SDK1: variants seen among roughly 807,000 people sequenced by gnomAD.
The protein encoded by SDK1 is sidekick cell adhesion molecule 1, also known as protein sidekick-1.
SDK1 carries 157 observed loss-of-function variants against 245.5 expected under a neutral mutation model. The observed-to-expected ratio is 0.64, with a 90% confidence interval of 0.56 to 0.73. The LOEUF is 0.73. Among genes scored for constraint, SDK1 ranks in the 30% least tolerant of loss-of-function variants. The pLI is 0.00. For synonymous variants in SDK1, 1,647 were observed against 1,278.5 expected (o/e 1.29, Z -6.15); for missense variants, 3,583 against 3,002.3 (o/e 1.19, Z -4.52).
At chr7:3,602,076 G>A (rs542239741) in intron 1 of SDK1, among the ~76,000 whole-genome samples, 21 of 151,800 alleles carry the variant, frequency 1.4e-4, no homozygotes, top group African/African-American at 1.2e-4. Flanking sequence ...CCAGTCTATC[G>A]TTGTTGGACA....
At chr7:3,579,425 C>G (rs1242864600) in intron 1 of SDK1, among the ~76,000 whole-genome samples, 1 of 152,172 alleles carries the variant, frequency 6.6e-6, no homozygotes, top group Non-Finnish European at 1.5e-5. Context: ...AGACAAAAAT[C>G]ACATGATTAT....
intron 1 of SDK1, among the ~76,000 whole-genome samples, chr7:3,456,310 C>A (rs1457061300): frequency 1.3e-5 from 2 of 152,154 alleles, no homozygotes; most frequent in Non-Finnish European, 2.9e-5. Flanking sequence ...CTTTCAGCCC[C>A]AGCAACTTTC....
chr7:3,679,921 T>C (rs6971337), intron 4 of SDK1, among the ~76,000 whole-genome samples: 39,406 of 152,136 alleles, frequency 0.26, 8,102 homozygotes, highest in African/African-American at 0.55. Context: ...TCCACAGAAA[T>C]GAAGACCTGT....
At chr7:4,083,422 C>A (rs1781190825) in intron 22 of SDK1, among the ~76,000 whole-genome samples, 1 of 152,016 alleles carries the variant, frequency 6.6e-6, no homozygotes, top group South Asian at 2.1e-4. Context: ...ATTGGAGATG[C>A]ACCTGGTTAC....
chr7:3,885,846 C>T (rs916735843), intron 5 of SDK1, among the ~76,000 whole-genome samples: 9 of 152,198 alleles, frequency 5.9e-5, no homozygotes, highest in Non-Finnish European at 1.2e-4. Flanking sequence ...CAAATGCTAA[C>T]ACTCATTTAG....
chr7:4,267,723 C>A lies in SDK1; in HGVS notation c.*2339C>A. 3 of 985,436 alleles carry A rather than the reference C, an allele frequency of 3.0e-6. No homozygotes were observed. The highest frequency in any genetic ancestry group is 3.6e-6 in the Non-Finnish European group (3 of 829,968). The allele number at this position is 985,436 out of a possible 1,614,324, so 61.0% of individuals were successfully genotyped here. ...GTTTGTTGCTCTCGGGTTTTCGATA[C>A]AACATCATGACACTTCTGTTTCAAG... is the stretch of plus-strand genomic sequence containing the variant. On this transcript the variant is annotated 3_prime_UTR_variant, in exon 45 of 45. Coordinates refer to ENST00000404826, the MANE Select transcript of SDK1 (RefSeq NM_152744.4).
rs1187380207 is a variant in SDK1, at chr7:3,806,012, C to T, written c.714-15438C>T. 3.9e-5 allele frequency among the ~76,000 whole-genome samples: 6 copies of T among 152,236 alleles called. No individual in the cohort carries two copies. In the South Asian group the frequency reaches 1.2e-3, roughly 32 times the overall value. ...TCAAGGTGTTCCTCCTCCTATAGAT[C>T]TCTGTTGCTACCACAAACTGCATGA... On this transcript the variant is annotated intron_variant, in intron 4 of 44. Transcript: ENST00000404826.
intron 1 of SDK1, among the ~76,000 whole-genome samples, chr7:3,328,445 T>C (rs1308213419): frequency 1.3e-5 from 2 of 152,012 alleles, no homozygotes; most frequent in African/African-American, 2.4e-5. Context: ...TCTGGGTTGC[T>C]TGTATTAGTG....
intron 35 of SDK1, among the ~76,000 whole-genome samples, chr7:4,184,067 C>G (rs60113690): frequency 1.3e-5 from 2 of 152,210 alleles, no homozygotes; most frequent in African/African-American, 2.4e-5. Flanking sequence ...CTCTGCTTCT[C>G]GCAGCCCAAG....
intron 4 of SDK1, among the ~76,000 whole-genome samples, chr7:3,663,712 G>A (rs1783438115): frequency 6.6e-6 from 1 of 152,126 alleles, no homozygotes; most frequent in South Asian, 2.1e-4. Context: ...CTTGTTTATA[G>A]CTACTGTGGG....
intron 38 of SDK1, among the ~76,000 whole-genome samples, chr7:4,217,978 T>C (rs1185457357): frequency 6.6e-6 from 1 of 152,190 alleles, no homozygotes; most frequent in East Asian, 1.9e-4. Flanking sequence ...AGGACCCAGT[T>C]TGTGTGTTGA....
chr7:3,368,221 A>G (rs542356370), intron 1 of SDK1, among the ~76,000 whole-genome samples: 1 of 152,316 alleles, frequency 6.6e-6, no homozygotes, highest in Admixed American at 6.5e-5. Context: ...TATATAAGTC[A>G]TGTTAATTTC....
intron 22 of SDK1, among the ~76,000 whole-genome samples, chr7:4,105,118 G>A (rs981278896): frequency 6.6e-6 from 1 of 152,004 alleles, no homozygotes; most frequent in Non-Finnish European, 1.5e-5. Context: ...AAGTAGCTGG[G>A]ATTACAGGCA....
At chr7:3,654,382 G>GTCACCGCGCTTTATTCCAGAGCC (rs1411359092) in intron 4 of SDK1, among the ~76,000 whole-genome samples, 2 of 152,196 alleles carry the variant, frequency 1.3e-5, no homozygotes, top group Non-Finnish European at 2.9e-5. Context: ...TGAGCTCCCT[G>GTCACCGCGCTTTATTCCAGAGCC]TCACCGCGCT....
intron 4 of SDK1, among the ~76,000 whole-genome samples, chr7:3,743,519 C>T (rs954899771): frequency 6.6e-6 from 1 of 152,156 alleles, no homozygotes; most frequent in African/African-American, 2.4e-5. Flanking sequence ...GAGTCTCTAA[C>T]AAAATGCACT....
intron 4 of SDK1, among the ~76,000 whole-genome samples, chr7:3,767,331 G>C (rs568133068): frequency 6.6e-6 from 1 of 152,204 alleles, no homozygotes; most frequent in Admixed American, 6.5e-5. Flanking sequence ...TGTCTAAGGG[G>C]ATTGAGCAAA....
chr7:3,752,038 A>G (rs1315379080), intron 4 of SDK1, among the ~76,000 whole-genome samples: 1 of 152,230 alleles, frequency 6.6e-6, no homozygotes. Flanking sequence ...TTGGCCTTCT[A>G]TGATTGACAT....
At chr7:4,207,203 C>G (rs1053997725) in intron 36 of SDK1, among the ~76,000 whole-genome samples, 1 of 152,200 alleles carries the variant, frequency 6.6e-6, no homozygotes, top group Non-Finnish European at 1.5e-5. Flanking sequence ...GGCGTGCCAG[C>G]CCTGGGGCGC....
intron 31 of SDK1, 35 bp downstream of exon 31, chr7:4,158,586 C>T (rs1487995975): frequency 1.3e-5 from 20 of 1,507,208 alleles, no homozygotes; most frequent in Middle Eastern, 1.7e-4. Context: ...CGTTCCTGGC[C>T]GCTGCCCCTG....
Sources: allele counts gnomAD v4.1 joint callset (sites outside exome capture counted in the v4.1 genomes callset), GRCh38; gene constraint gnomAD v4.1.1; transcripts MANE v1.5; gene names NCBI Gene and HGNC (gene_info 2026-07-23, HGNC 2026-07-21).